DMD: variants seen among roughly 807,000 people sequenced by gnomAD.
The protein encoded by DMD is dystrophin.
In DMD, 63 loss-of-function variants were observed where a neutral mutation model predicts 330.1. That is an observed-to-expected ratio of 0.19 (90% CI 0.16 to 0.24). The LOEUF (loss-of-function observed/expected upper bound fraction) is 0.24. Ranked by LOEUF, DMD falls within the 10% of genes least tolerant of loss-of-function variation. The pLI is 1.00. For missense variants in DMD, 3,344 were observed against 2,684.1 expected, an observed-to-expected ratio of 1.25 and a Z score of -5.43; for synonymous variants, 1,223 against 959.8, an observed-to-expected ratio of 1.27 and a Z score of -5.07.
At chrX:32,577,677 G>A (rs901794295) in intron 13 of DMD, among the ~76,000 whole-genome samples, 1 of 112,039 alleles carries the variant, frequency 8.9e-6, no homozygotes, top group Non-Finnish European at 1.9e-5. Flanking sequence ...TAGTCTTCAA[G>A]TATATTCTTT....
In DMD at chrX:32,645,155, G is replaced by A. The variant is rs2059703054; in HGVS notation, c.961-3C>T. Reference sequence around the variant, plus strand: ...TTGTCTTCAGGAGCTTCCAAATGCTGCACAATAAAATAAATTGGGTGTTAC... The same window carrying A: ...TTGTCTTCAGGAGCTTCCAAATGCTACACAATAAAATAAATTGGGTGTTAC... On this transcript the variant is annotated splice_region_variant and splice_polypyrimidine_tract_variant and intron_variant, in intron 9 of 78. Transcript: ENST00000357033. 2 of 1,210,268 alleles carry A rather than the reference G, an allele frequency of 1.7e-6. No individual in the cohort carries two copies. Among genetic ancestry groups the A allele is most frequent in the Non-Finnish European group, 2.2e-6 (2 of 894,535 alleles).
intron 2 of DMD, among the ~76,000 whole-genome samples, chrX:32,958,598 CAAGTT>C (rs752445012): frequency 2.2e-3 from 250 of 111,555 alleles, no homozygotes; most frequent in African/African-American, 7.8e-3. Flanking sequence ...CAAGTAATCT[CAAGTT>C]AAGATTACTA....
At chrX:31,352,956 C>T (rs1234281593) in intron 60 of DMD, among the ~76,000 whole-genome samples, 1 of 111,598 alleles carries the variant, frequency 9.0e-6, no homozygotes, top group East Asian at 2.8e-4. Context: ...TATGTTAAAT[C>T]AATATACCGT....
At chrX:31,388,676 C>A (rs770363215) in intron 60 of DMD, among the ~76,000 whole-genome samples, 1 of 111,606 alleles carries the variant, frequency 9.0e-6, no homozygotes, top group African/African-American at 3.3e-5. Flanking sequence ...CCAAGGTGGG[C>A]GGATCACCTG....
chrX:31,720,628 A>T (rs1377898565), intron 52 of DMD, among the ~76,000 whole-genome samples: 1 of 109,662 alleles, frequency 9.1e-6, no homozygotes, highest in South Asian at 3.7e-4. Context: ...AGGAAGAAAA[A>T]CTATTTTCTT....
rs768508473 is a variant in DMD at position 32,665,990 on chromosome X, GA to G, written c.961-20839del. Among the ~76,000 whole-genome samples the G allele has an allele frequency of 3.6e-5, 4 of 111,297 alleles. No individual in the cohort carries two copies. In the East Asian group the frequency reaches 8.5e-4, roughly 24 times the overall value. ...AGTGAATGACAGTATGTAATAGTCA[GA>G]ACCTGACTGCTGCCATAAGAACTCA... On this transcript the variant is annotated intron_variant, in intron 9 of 78. Transcript: ENST00000357033.
chrX:31,831,385 G>A (rs1427797445), intron 49 of DMD, among the ~76,000 whole-genome samples: 1 of 111,876 alleles, frequency 8.9e-6, no homozygotes, highest in African/African-American at 3.3e-5. Flanking sequence ...ATATGGAAAT[G>A]CTACTCAATT....
intron 4 of DMD, among the ~76,000 whole-genome samples, chrX:32,833,692 T>TAAA (rs5902041): frequency 1.2e-5 from 1 of 81,138 alleles, no homozygotes; most frequent in African/African-American, 4.6e-5. Context: ...TAATTTCAAG[T>TAAA]AAAAAAAAAA....
intron 57 of DMD, among the ~76,000 whole-genome samples, chrX:31,489,322 G>A (rs902085664): frequency 2.7e-5 from 3 of 111,579 alleles, no homozygotes; most frequent in African/African-American, 6.5e-5. Flanking sequence ...TGGTAGAAAC[G>A]TAGTTTCACT....
intron 34 of DMD, among the ~76,000 whole-genome samples, chrX:32,366,432 G>A (rs1273106021): frequency 8.9e-6 from 1 of 112,334 alleles, no homozygotes; most frequent in Non-Finnish European, 1.9e-5. Flanking sequence ...TGCGAGTGGA[G>A]CTGATGTCTT....
intron 74 of DMD, among the ~76,000 whole-genome samples, chrX:31,166,255 A>C (rs974643776): frequency 1.8e-5 from 2 of 111,664 alleles, no homozygotes; most frequent in African/African-American, 6.5e-5. Flanking sequence ...GATACCTCTG[A>C]GACACTTCTC....
intron 1 of DMD, among the ~76,000 whole-genome samples, chrX:33,294,315 A>G (rs1388391665): frequency 1.8e-5 from 2 of 111,363 alleles, no homozygotes; most frequent in African/African-American, 3.3e-5. Context: ...GACAGCATCC[A>G]TGGAGCCCCT....
chrX:33,209,272 A>G (rs2051760020), intron 1 of DMD, among the ~76,000 whole-genome samples: 1 of 111,630 alleles, frequency 9.0e-6, no homozygotes, highest in Non-Finnish European at 1.9e-5. Flanking sequence ...TTAACAGTAT[A>G]TCATCAATTT....
At chrX:31,877,653 G>C (rs371696059) in intron 47 of DMD, among the ~76,000 whole-genome samples, 1 of 96,764 alleles carries the variant, frequency 1.0e-5, no homozygotes, top group Non-Finnish European at 2.1e-5. Flanking sequence ...AACTACACCT[G>C]TGGTGCTGAA....
chrX:32,032,603 C>T (rs963960907), intron 44 of DMD, among the ~76,000 whole-genome samples: 7 of 111,602 alleles, frequency 6.3e-5, no homozygotes, highest in African/African-American at 2.0e-4. Context: ...AGGCCATCTA[C>T]ACATAAAAGC....
chrX:32,094,083 A>C (rs866879524), intron 44 of DMD, among the ~76,000 whole-genome samples: 1 of 111,935 alleles, frequency 8.9e-6, no homozygotes, highest in Non-Finnish European at 1.9e-5. Context: ...ATGCTTTGCA[A>C]GTTGTAAAAT....
chrX:33,051,756 C>A (rs2094461099), intron 1 of DMD, among the ~76,000 whole-genome samples: 2 of 104,952 alleles, frequency 1.9e-5, no homozygotes, highest in South Asian at 8.9e-4. Context: ...TCAAGCAACT[C>A]TCCTGCCTCA....
chrX:32,862,923 G>A (rs1217480176), intron 2 of DMD, among the ~76,000 whole-genome samples: 2 of 110,303 alleles, frequency 1.8e-5, no homozygotes, highest in Non-Finnish European at 3.8e-5. Context: ...ATTTTTAGTA[G>A]AGACGGGGTT....
intron 13 of DMD, among the ~76,000 whole-genome samples, chrX:32,580,859 C>A (rs2053580358): frequency 1.8e-5 from 2 of 110,910 alleles, no homozygotes; most frequent in African/African-American, 3.3e-5. Context: ...CAGAGTCTTT[C>A]TCTGTCCCCT....
Sources: allele counts gnomAD v4.1 joint callset (sites outside exome capture counted in the v4.1 genomes callset), GRCh38; gene constraint gnomAD v4.1.1; transcripts MANE v1.5; gene names NCBI Gene and HGNC (gene_info 2026-07-23, HGNC 2026-07-21).